Variants in MAST4 observed in about 807,000 individuals in gnomAD.
MAST4 encodes the protein microtubule associated serine/threonine kinase family member 4, also known as microtubule-associated serine/threonine-protein kinase 4.
Under a neutral mutation model 162.7 loss-of-function variants are expected in MAST4, and 89 were observed. That is an observed-to-expected ratio of 0.55 (90% CI 0.46 to 0.65). The LOEUF is 0.65. Among genes scored for constraint, MAST4 ranks in the 30% least tolerant of loss-of-function variants. The probability of loss-of-function intolerance (pLI) is 0.00; values close to 1 mark genes in which losing one functional copy is unlikely to be tolerated. For synonymous variants in MAST4, 1,479 were observed against 1,361.1 expected, an observed-to-expected ratio of 1.09 and a Z score of -1.91; for missense variants, 3,153 against 3,374.0, an observed-to-expected ratio of 0.93 and a Z score of 1.62.
intron 1 of MAST4, among the ~76,000 whole-genome samples, chr5:66,753,122 T>C (rs1239755972): frequency 6.6e-6 from 1 of 151,728 alleles, no homozygotes; most frequent in Non-Finnish European, 1.5e-5. Flanking sequence ...AGACACAACA[T>C]ACCAGAATCT....
intron 3 of MAST4, among the ~76,000 whole-genome samples, chr5:66,798,279 C>A (rs549300890): frequency 6.6e-6 from 1 of 152,136 alleles, no homozygotes; most frequent in Non-Finnish European, 1.5e-5. Flanking sequence ...TCTACTAAAT[C>A]TTTTATTGTT....
intron 4 of MAST4, among the ~76,000 whole-genome samples, chr5:66,969,349 A>G (rs910739183): frequency 7.9e-5 from 12 of 152,334 alleles, no homozygotes; most frequent in African/African-American, 2.4e-4. Context: ...AGACCTCACC[A>G]CATGTAAGCT....
At chr5:66,917,046 A>G (rs2150032066) in intron 4 of MAST4, 1 of 717,860 alleles carries the variant, frequency 1.4e-6, no homozygotes, top group East Asian at 2.7e-5. Flanking sequence ...TTTAATAGCT[A>G]TCACTTTACC....
chr5:66,915,854 GGA>G (rs1324773066), intron 4 of MAST4, among the ~76,000 whole-genome samples: 1 of 152,148 alleles, frequency 6.6e-6, no homozygotes, highest in Non-Finnish European at 1.5e-5. Flanking sequence ...CAGAGTTAAT[GGA>G]AGAAGACGAA....
At chr5:66,781,051 C>A (rs1425932966) in intron 2 of MAST4, among the ~76,000 whole-genome samples, 1 of 152,176 alleles carries the variant, frequency 6.6e-6, no homozygotes, top group Non-Finnish European at 1.5e-5. Flanking sequence ...AGGTACCTTC[C>A]TTTTTGAGGC....
At chr5:66,952,851 A>C (rs566131922) in intron 4 of MAST4, among the ~76,000 whole-genome samples, 1 of 152,236 alleles carries the variant, frequency 6.6e-6, no homozygotes, top group Admixed American at 6.5e-5. Flanking sequence ...CGATCTAAAG[A>C]TACTGTCTGT....
chr5:67,082,147 CTTTTTTTTTT>C lies in MAST4; in HGVS notation c.764-8004_764-7995del, dbSNP rs60811351. Among the ~76,000 whole-genome samples, 10 of 125,790 alleles carry C rather than the reference CTTTTTTTTTT, an allele frequency of 7.9e-5. No individual in the cohort carries two copies. In the East Asian group the frequency reaches 1.3e-3, roughly 17 times the overall value. 82.5% of individuals were successfully genotyped at this position (125,790 alleles called of 152,430 possible). ...ATTCTGCAAAACAACTACCTGTAAT[CTTTTTTTTTT>C]TTTTTTTTTTGAGACGGAGTCTCAC... On this transcript the variant is annotated intron_variant, in intron 5 of 28. Transcript: ENST00000403625.
intron 1 of MAST4, among the ~76,000 whole-genome samples, chr5:66,757,760 C>G (rs948939528): frequency 6.6e-6 from 1 of 151,978 alleles, no homozygotes; most frequent in Non-Finnish European, 1.5e-5. Context: ...GGGTGTTTAC[C>G]GTTCCTGTAA....
chr5:66,737,310 A>G (rs979997211), intron 1 of MAST4, among the ~76,000 whole-genome samples: 5 of 152,168 alleles, frequency 3.3e-5, no homozygotes, highest in African/African-American at 9.7e-5. Flanking sequence ...GGACCTGTCC[A>G]TTGGGCTGCT....
intron 4 of MAST4, among the ~76,000 whole-genome samples, chr5:67,006,319 A>G (rs879418832): frequency 8.5e-5 from 13 of 152,312 alleles, no homozygotes; most frequent in Admixed American, 2.6e-4. Context: ...TAATGTGACT[A>G]TGTTTTTCTC....
chr5:66,753,324 G>A (rs1422060080), intron 1 of MAST4, among the ~76,000 whole-genome samples: 1 of 151,858 alleles, frequency 6.6e-6, no homozygotes, highest in African/African-American at 2.4e-5. Flanking sequence ...AGGAAATAGA[G>A]ACACAAAAAA....
rs1201755141 is a variant in MAST4, at chr5:67,169,099, A to G, written c.*2048A>G. ...TGTGTTTGGCAGTTGTCATAACCCAATCCTACATTCAGCCATCGGGACAAG... is the reference window on the plus strand; with the variant it reads ...TGTGTTTGGCAGTTGTCATAACCCAGTCCTACATTCAGCCATCGGGACAAG... On this transcript the variant is annotated 3_prime_UTR_variant, in exon 29 of 29. Transcript: ENST00000403625. 6.6e-6 allele frequency: 1 copy of G among 152,200 alleles called. No individual in the cohort carries two copies. The highest frequency in any genetic ancestry group is 2.4e-5 in the African/African-American group (1 of 41,440). 9.4% of individuals were successfully genotyped at this position (152,200 alleles called of 1,614,324 possible). A position where few individuals can be genotyped will look rare whatever the true frequency, so the allele number is the denominator to read the frequency against.
rs552402527 is a variant in MAST4, at chr5:66,597,160, G to A, written c.363+142G>A. On this transcript the variant is annotated intron_variant, in intron 1 of 28. Transcript: ENST00000403625. ...CCCAAGCGCTCTGCCCCGAGCACGG[G>A]ACAACGATAGTTAGGAGCCCCCCTG... is the stretch of plus-strand genomic sequence containing the variant. The A allele has an allele frequency of 4.1e-3, 4,650 of 1,127,840 alleles. 108 individuals carry two copies. The South Asian group carries it at 0.059, about 14-fold the overall frequency. 69.9% of individuals were successfully genotyped at this position (1,127,840 alleles called of 1,614,324 possible).
intron 5 of MAST4, among the ~76,000 whole-genome samples, chr5:67,078,798 A>G (rs1762048692): frequency 1.6e-5 from 2 of 128,514 alleles, no homozygotes; most frequent in African/African-American, 5.9e-5. Flanking sequence ...ATCTAAATAT[A>G]TTTATTTATA....
chr5:66,714,888 C>A (rs1750722685), intron 1 of MAST4, among the ~76,000 whole-genome samples: 1 of 152,174 alleles, frequency 6.6e-6, no homozygotes, highest in African/African-American at 2.4e-5. Context: ...CCTAGTAAAG[C>A]TTTGGCTTCT....
intron 3 of MAST4, among the ~76,000 whole-genome samples, chr5:66,891,837 G>A (rs1762382414): frequency 6.6e-6 from 1 of 152,186 alleles, no homozygotes; most frequent in Admixed American, 6.5e-5. Flanking sequence ...AAGTTAAACT[G>A]GTTTAAACAA....
intron 1 of MAST4, among the ~76,000 whole-genome samples, chr5:66,681,789 CT>C (rs1748345844): frequency 6.6e-6 from 1 of 152,240 alleles, no homozygotes. Flanking sequence ...GCTGTCTTCT[CT>C]GTCCTCCCAA....
intron 16 of MAST4, among the ~76,000 whole-genome samples, chr5:67,132,694 T>C (rs2150998872): frequency 6.6e-6 from 1 of 152,218 alleles, no homozygotes; most frequent in Middle Eastern, 3.4e-3. Context: ...TCATGCTTTC[T>C]CCACTAATTT....
chr5:66,652,586 A>G (rs28369144), intron 1 of MAST4, among the ~76,000 whole-genome samples: 4,113 of 152,246 alleles, frequency 0.027, 203 homozygotes, highest in African/African-American at 0.092. Context: ...TATCTACCTA[A>G]ATATCCATGT....
Sources: allele counts gnomAD v4.1 joint callset (sites outside exome capture counted in the v4.1 genomes callset), GRCh38; gene constraint gnomAD v4.1.1; transcripts MANE v1.5; gene names NCBI Gene and HGNC (gene_info 2026-07-23, HGNC 2026-07-21).